PRSS55: variants seen among roughly 807,000 people sequenced by gnomAD.
PRSS55 encodes the protein serine protease 55, also known as probable serine protease UNQ9391/PRO34284.
Under a neutral mutation model 23.6 loss-of-function variants are expected in PRSS55, and 41 were observed. The ratio of observed to expected loss-of-function variants is 1.74; its 90% CI spans 1.35 to 2.26. PRSS55 has a LOEUF of 2.26. Among genes scored for constraint, PRSS55 ranks in the 30% most tolerant of loss-of-function variants. The pLI is 0.00. For synonymous variants in PRSS55, 262 were observed against 175.5 expected (o/e 1.49, Z -3.90); for missense variants, 669 against 439.1 (o/e 1.52, Z -4.68).
At chr8:10,526,589 T>G (rs780046439) in intron 1 of PRSS55, among the ~76,000 whole-genome samples, 34 of 152,216 alleles carry the variant, frequency 2.2e-4, no homozygotes, top group Non-Finnish European at 7.3e-5. Context: ...CGTTTCTGCT[T>G]CCATCACTGC....
chr8:10,525,615 G>C lies in PRSS55; in HGVS notation c.30G>C (p.Leu10=). 1.2e-6 allele frequency: 2 copies of C among 1,614,116 alleles called. No individual in the cohort carries two copies. The highest frequency in any genetic ancestry group is 1.7e-5 in the Admixed American group (1 of 60,024). Residue 10 remains leucine, a synonymous_variant, in exon 1 of 5, where the codon CTG becomes CTC. Coordinates refer to ENST00000328655, the MANE Select transcript of PRSS55 (RefSeq NM_198464.4). ...TCCTGTTCTCAGTGTTGCTGCTCCT[G>C]TCCCTGGTCACGGGAACTCAGCTCG... MLLFSVLLL[L]SLVTGTQLGP...
intron 4 of PRSS55, among the ~76,000 whole-genome samples, chr8:10,550,902 C>G (rs555918961): frequency 6.6e-6 from 1 of 152,236 alleles, no homozygotes; most frequent in African/African-American, 2.4e-5. Flanking sequence ...GCTTGCTCAG[C>G]TATCCTGTCT....
chr8:10,532,166 T>G (rs553428439), intron 3 of PRSS55, among the ~76,000 whole-genome samples: 30 of 152,082 alleles, frequency 2.0e-4, no homozygotes, highest in Non-Finnish European at 4.3e-4. Context: ...CAGGGATGAT[T>G]TGCAGCGAGC....
chr8:10,530,273 G>A (rs571517616), intron 2 of PRSS55, among the ~76,000 whole-genome samples: 27 of 152,166 alleles, frequency 1.8e-4, no homozygotes, highest in Non-Finnish European at 1.9e-4. Flanking sequence ...TCAGGAGTTC[G>A]AGACTGGCCT....
At chr8:10,541,383 C>A (rs1408849688), downstream of PRSS55, 4 of 152,224 alleles carry the variant, frequency 2.6e-5, no homozygotes, top group East Asian at 7.7e-4. Flanking sequence ...TGATTGGCCT[C>A]CCCACACAAG....
intron 4 of PRSS55, 42 bp downstream of exon 4, chr8:10,533,090 C>T (rs1812330981): frequency 1.2e-6 from 2 of 1,601,796 alleles, no homozygotes; most frequent in Non-Finnish European, 1.7e-6. Context: ...GGTCCTCACC[C>T]TCTGGGAACT....
At chr8:10,527,776 G>A (rs562373435) in intron 1 of PRSS55, among the ~76,000 whole-genome samples, 2 of 152,312 alleles carry the variant, frequency 1.3e-5, no homozygotes, top group South Asian at 4.1e-4. Flanking sequence ...CAATTACAAA[G>A]TGAGGATGAA....
At chr8:10,536,441 G>A (rs956584043) in intron 4 of PRSS55, among the ~76,000 whole-genome samples, 4 of 152,164 alleles carry the variant, frequency 2.6e-5, no homozygotes, top group African/African-American at 9.7e-5. Context: ...TTCAGCCACT[G>A]TAAAAAGCAG....
In PRSS55 at chr8:10,527,653, G is replaced by A. The variant is rs76217406; in HGVS notation, c.155-1854G>A. 7.0e-3 allele frequency among the ~76,000 whole-genome samples: 1,063 copies of A among 152,372 alleles called. 13 individuals carry two copies. Among genetic ancestry groups the A allele is most frequent in the African/African-American group, 0.024 (1,008 of 41,592 alleles). ...AGGCAGAGAGCCACATGGCGCAGTGGTGAGAGCACCAGCTCTGTTGCCAGC... is the reference window on the plus strand; with the variant it reads ...AGGCAGAGAGCCACATGGCGCAGTGATGAGAGCACCAGCTCTGTTGCCAGC... On this transcript the variant is annotated intron_variant, in intron 1 of 4. Coordinates refer to ENST00000328655, the MANE Select transcript of PRSS55 (RefSeq NM_198464.4).
chr8:10,548,185 G>C (rs1434898759), intron 4 of PRSS55, among the ~76,000 whole-genome samples: 5 of 152,196 alleles, frequency 3.3e-5, no homozygotes, highest in African/African-American at 7.2e-5. Context: ...AGGGGGCTCA[G>C]GCAGCGAGCG....
chr8:10,540,335 G>A (rs1043215033), downstream of PRSS55: 4 of 152,284 alleles, frequency 2.6e-5, no homozygotes, highest in African/African-American at 4.8e-5. Context: ...GGCAAATTCA[G>A]GAAATGCAAA....
intron 4 of PRSS55, among the ~76,000 whole-genome samples, chr8:10,534,334 C>T (rs558620473): frequency 4.8e-4 from 73 of 152,272 alleles, no homozygotes; most frequent in Non-Finnish European, 9.0e-4. Context: ...GATGCAAGAA[C>T]GCACTACACA....
rs191783249 is a variant in PRSS55 at position 10,526,904 on chromosome 8, C to T, written c.154+1165C>T. Among the ~76,000 whole-genome samples, 833 of 152,264 alleles carry T rather than the reference C, an allele frequency of 5.5e-3. 8 individuals carry two copies. The highest frequency in any genetic ancestry group is 0.019 in the African/African-American group (792 of 41,554). On this transcript the variant is annotated intron_variant, in intron 1 of 4. Transcript: ENST00000328655. ...ATAAGTAGCTTTCCCTAAATCGTTTCGTGAATAAGCAACAGAGCCTGGATT... is the reference window on the plus strand; with the variant it reads ...ATAAGTAGCTTTCCCTAAATCGTTTTGTGAATAAGCAACAGAGCCTGGATT...
rs556746425 is a variant in PRSS55 at position 10,529,020 on chromosome 8, A to G, written c.155-487A>G. 5.3e-5 allele frequency among the ~76,000 whole-genome samples: 8 copies of G among 152,260 alleles called. No homozygotes were observed. The South Asian group carries it at 1.5e-3, about 28-fold the overall frequency. On this transcript the variant is annotated intron_variant, in intron 1 of 4. Transcript: ENST00000328655. Reference sequence around the variant, plus strand: ...CCACTGGCCCCTCAGAAAAGCCAGCATCACGTTCCCACTCTGAGGGCAGTG... The same window carrying G: ...CCACTGGCCCCTCAGAAAAGCCAGCGTCACGTTCCCACTCTGAGGGCAGTG...
intron 2 of PRSS55, 97 bp from the exon 3 acceptor site, chr8:10,531,198 G>A: frequency 6.8e-7 from 1 of 1,464,148 alleles, no homozygotes; most frequent in East Asian, 2.3e-5. Flanking sequence ...AGGTCCTAGA[G>A]CTACATGGGA....
At chr8:10,532,566 A>T (rs1199543469) in intron 3 of PRSS55, among the ~76,000 whole-genome samples, 4 of 152,220 alleles carry the variant, frequency 2.6e-5, no homozygotes, top group Non-Finnish European at 5.9e-5. Flanking sequence ...ATGTCACAAT[A>T]GGCAAATGTA....
At chr8:10,528,505 G>A (rs1246738148) in intron 1 of PRSS55, among the ~76,000 whole-genome samples, 2 of 152,196 alleles carry the variant, frequency 1.3e-5, no homozygotes, top group African/African-American at 2.4e-5. Context: ...TTCCTGGGGC[G>A]AGGAGCTGGA....
At chr8:10,547,852 C>T (rs1280682417) in intron 4 of PRSS55, among the ~76,000 whole-genome samples, 1 of 151,640 alleles carries the variant, frequency 6.6e-6, no homozygotes, top group Non-Finnish European at 1.5e-5. Context: ...CGGGGAAGAG[C>T]AGGGAACAAC....
At chr8:10,531,731 G>A (rs556155020) in intron 3 of PRSS55, 186 bp downstream of exon 3, 4 of 705,208 alleles carry the variant, frequency 5.7e-6, no homozygotes, top group Non-Finnish European at 6.9e-6. Flanking sequence ...CCAGGTCTGA[G>A]CCAGTCCCCT....
Sources: allele counts gnomAD v4.1 joint callset (sites outside exome capture counted in the v4.1 genomes callset), GRCh38; gene constraint gnomAD v4.1.1; transcripts MANE v1.5; gene names NCBI Gene and HGNC (gene_info 2026-07-23, HGNC 2026-07-21).